Variants in TRIP12 observed in about 807,000 individuals in gnomAD.
TRIP12 encodes thyroid hormone receptor interactor 12.
Under a neutral mutation model 244.2 loss-of-function variants are expected in TRIP12, and 25 were observed. The observed-to-expected ratio is 0.10, with a 90% confidence interval of 0.07 to 0.14. The LOEUF (loss-of-function observed/expected upper bound fraction) is 0.14. Among genes scored for constraint, TRIP12 ranks in the 10% least tolerant of loss-of-function variants. TRIP12 has a pLI of 1.00. For synonymous variants in TRIP12, 905 were observed against 873.1 expected, an observed-to-expected ratio of 1.04 and a Z score of -0.64; for missense variants, 1,677 against 2,486.4, an observed-to-expected ratio of 0.67 and a Z score of 6.92.
At chr2:229,875,894 C>G (rs2063493458) in intron 2 of TRIP12, among the ~76,000 whole-genome samples, 1 of 152,142 alleles carries the variant, frequency 6.6e-6, no homozygotes, top group Admixed American at 6.5e-5. Context: ...CCCAATTAAT[C>G]CCAATCCTCT....
chr2:229,810,523 T>C (rs2047007963), intron 15 of TRIP12, among the ~76,000 whole-genome samples: 1 of 152,142 alleles, frequency 6.6e-6, no homozygotes, highest in Admixed American at 6.6e-5. Flanking sequence ...AAATCTAACA[T>C]GGGCAGAAAA....
intron 9 of TRIP12, among the ~76,000 whole-genome samples, chr2:229,816,930 T>G (rs558979563): frequency 1.1e-4 from 17 of 152,192 alleles, no homozygotes; most frequent in Non-Finnish European, 5.9e-5. Context: ...ATAATATTGC[T>G]ATTATGAAAC....
At chr2:229,838,554 A>C (rs2055454717) in intron 5 of TRIP12, among the ~76,000 whole-genome samples, 1 of 152,192 alleles carries the variant, frequency 6.6e-6, no homozygotes, top group Non-Finnish European at 1.5e-5. Flanking sequence ...AGAAGGAGAG[A>C]CGGTTGCAGA....
At chr2:229,787,465 A>G (rs2040394795) in intron 33 of TRIP12, 40 bp downstream of exon 33, 7 of 1,577,456 alleles carry the variant, frequency 4.4e-6, no homozygotes, top group Non-Finnish European at 6.0e-6. Context: ...CATTATTTTG[A>G]AAAGCTCAGA....
At chr2:229,897,126 A>C (rs2069064591) in intron 1 of TRIP12, among the ~76,000 whole-genome samples, 1 of 152,204 alleles carries the variant, frequency 6.6e-6, no homozygotes, top group African/African-American at 2.4e-5. Flanking sequence ...TGTGAGCCTA[A>C]AACTACTCTT....
In TRIP12 at chr2:229,825,500, G is replaced by C. The variant is rs184668834; in HGVS notation, c.1450+3693C>G. Among the ~76,000 whole-genome samples, 642 of 152,324 alleles carry C rather than the reference G, an allele frequency of 4.2e-3. 8 individuals carry two copies. The highest frequency in any genetic ancestry group is 0.015 in the African/African-American group (617 of 41,584). On this transcript the variant is annotated intron_variant, in intron 8 of 41. Transcript: ENST00000675903. ...AGAAAACAGGTTGAATTGACTCACA[G>C]TTTGGCATGGCTGGGGAGGCCTCAG...
chr2:229,918,743 A>G (rs1243810904), intron 1 of TRIP12, among the ~76,000 whole-genome samples: 6 of 152,238 alleles, frequency 3.9e-5, no homozygotes, highest in Non-Finnish European at 8.8e-5. Context: ...CTGTACCTTC[A>G]ACCTAGTTTA....
At position 229,791,928 on chromosome 2, in the gene TRIP12, G is replaced by A. The variant is rs2041644288; in HGVS notation, c.4353C>T (p.Ser1451=). The A allele has an allele frequency of 6.2e-7, 1 of 1,614,088 alleles. No homozygotes were observed. Among genetic ancestry groups the A allele is most frequent in the Non-Finnish European group, 8.5e-7 (1 of 1,179,984 alleles). Residue 1451 remains serine, a synonymous_variant, in exon 29 of 42, where the codon TCC becomes TCT. Transcript: ENST00000675903. ...FSIQAEDERE[S]TDDESNPLGR... ...CTAGAGGATTGCTCTCATCATCTGT[G>A]GATTCTCTTTCATCTTCAGCCTGTA...
intron 39 of TRIP12, among the ~76,000 whole-genome samples, chr2:229,770,956 C>T (rs1483379449): frequency 6.6e-6 from 1 of 152,180 alleles, no homozygotes; most frequent in Non-Finnish European, 1.5e-5. Flanking sequence ...GTAAATTGCC[C>T]AGTCTCGGTT....
chr2:229,769,498 G>A (rs1053146411), intron 39 of TRIP12, among the ~76,000 whole-genome samples, 173 bp from the exon 40 acceptor site: 1 of 151,224 alleles, frequency 6.6e-6, no homozygotes, highest in South Asian at 2.1e-4. Flanking sequence ...AAAATTTAGA[G>A]ATTCCATTTC....
rs1327590417 is a variant in TRIP12, at chr2:229,803,979, T to C, written c.2879+20A>G. The C allele has an allele frequency of 3.8e-6, 6 of 1,577,174 alleles. No individual in the cohort carries two copies. The highest frequency in any genetic ancestry group is 5.2e-6 in the Non-Finnish European group (6 of 1,157,888). On this transcript the variant is annotated intron_variant, in intron 19 of 41. Coordinates refer to ENST00000675903, the MANE Select transcript of TRIP12 (RefSeq NM_001348323.3). ...GAGATTTGTATTTGTAAAATGTTTC[T>C]ACTATTTTCATTAACACACCTTGAA... is the stretch of plus-strand genomic sequence containing the variant.
At chr2:229,888,177 CAT>C (rs1388719639) in intron 1 of TRIP12, among the ~76,000 whole-genome samples, 2 of 152,124 alleles carry the variant, frequency 1.3e-5, no homozygotes, top group Admixed American at 6.5e-5. Flanking sequence ...AAATGATACA[CAT>C]GAGCAGAAAG....
At chr2:229,795,108 T>C (rs1298332565) in intron 26 of TRIP12, 71 bp downstream of exon 26, 5 of 1,544,576 alleles carry the variant, frequency 3.2e-6, no homozygotes, top group Non-Finnish European at 4.4e-6. Flanking sequence ...CCAGACCTCT[T>C]GCCATCTTAC....
chr2:229,794,990 G>T, intron 26 of TRIP12, 189 bp downstream of exon 26: 1 of 533,168 alleles, frequency 1.9e-6, no homozygotes, highest in South Asian at 3.4e-5. Flanking sequence ...TCCTGTTTAA[G>T]GCATATGGTA....
rs557555550 is a variant in TRIP12, at chr2:229,810,939, C to T, written c.2162G>A (p.Arg721His). Residue 721 changes from arginine (R) to histidine (H), a missense_variant, in exon 15 of 42, where the codon CGC becomes CAC. Coordinates refer to ENST00000675903, the MANE Select transcript of TRIP12 (RefSeq NM_001348323.3). ...GTTGGAACACATCAGAGAAAACATG[C>T]GAACCACCATTATAAACATCCCAGA... is the stretch of plus-strand genomic sequence containing the variant. ...LSSGMFIMVV[R>H]MFSLMCSNCP... 76 of 1,614,062 alleles carry T rather than the reference C, an allele frequency of 4.7e-5. No individual in the cohort carries two copies. The highest frequency in any genetic ancestry group is 8.0e-5 in the African/African-American group (6 of 75,024).
At chr2:229,784,158 T>C (rs1413055212) in intron 34 of TRIP12, among the ~76,000 whole-genome samples, 1 of 148,092 alleles carries the variant, frequency 6.8e-6, no homozygotes, top group East Asian at 2.0e-4. Context: ...GGAGGACTTA[T>C]ACTACCTGAT....
intron 1 of TRIP12, among the ~76,000 whole-genome samples, chr2:229,889,352 T>C (rs1464602703): frequency 1.3e-5 from 2 of 152,236 alleles, no homozygotes; most frequent in East Asian, 3.8e-4. Flanking sequence ...TGCTAAGCTA[T>C]TTCTAAAATA....
At chr2:229,779,927 T>C (rs1241067657) in intron 34 of TRIP12, among the ~76,000 whole-genome samples, 4 of 152,184 alleles carry the variant, frequency 2.6e-5, no homozygotes, top group Non-Finnish European at 5.9e-5. Context: ...AACAAAGATA[T>C]GCAGGTAGTG....
At chr2:229,863,823 G>C (rs563538897) in intron 2 of TRIP12, among the ~76,000 whole-genome samples, 1 of 152,226 alleles carries the variant, frequency 6.6e-6, no homozygotes, top group South Asian at 2.1e-4. Context: ...CTCTAATTTA[G>C]CAAGCCTTAA....
Sources: gnomAD v4.1 joint callset for allele counts (sites outside exome capture counted in the v4.1 genomes callset) on GRCh38, gnomAD v4.1.1 for gene constraint, MANE v1.5 for transcripts, NCBI Gene and HGNC (gene_info 2026-07-23, HGNC 2026-07-21) for gene names.